The following DCLK2 variants were observed in gnomAD, a reference collection of about 807,000 sequenced individuals.
The protein encoded by DCLK2 is serine/threonine-protein kinase DCLK2.
Under a neutral mutation model 78.4 loss-of-function variants are expected in DCLK2, and 31 were observed. The observed-to-expected ratio is 0.40, with a 90% CI of 0.30 to 0.53. DCLK2 has a LOEUF of 0.53. Ranked by LOEUF, DCLK2 falls within the 20% of genes least tolerant of loss-of-function variation. The probability of loss-of-function intolerance (pLI) is 0.61; values close to 1 mark genes in which losing one functional copy is unlikely to be tolerated. For missense variants in DCLK2, 872 were observed against 973.7 expected, an observed-to-expected ratio of 0.90 and a Z score of 1.39; for synonymous variants, 407 against 374.9, an observed-to-expected ratio of 1.09 and a Z score of -0.99.
At chr4:150,143,052 A>T (rs1300895961) in intron 2 of DCLK2, among the ~76,000 whole-genome samples, 6 of 152,132 alleles carry the variant, frequency 3.9e-5, no homozygotes, top group African/African-American at 1.2e-4. Context: ...TTATCTTTCT[A>T]TGTTAGCTCA....
intron 10 of DCLK2, among the ~76,000 whole-genome samples, chr4:150,239,277 G>A (rs1457348956): frequency 1.3e-5 from 2 of 152,144 alleles, no homozygotes; most frequent in Non-Finnish European, 2.9e-5. Flanking sequence ...GCACTTTAAA[G>A]CAACAAAGAT....
chr4:150,145,526 C>G (rs1734408799), intron 2 of DCLK2, among the ~76,000 whole-genome samples: 1 of 152,120 alleles, frequency 6.6e-6, no homozygotes, highest in Non-Finnish European at 1.5e-5. Flanking sequence ...TTCTTATTTA[C>G]TTTTGCCACT....
At chr4:150,242,430 A>G (rs1028457773) in intron 12 of DCLK2, among the ~76,000 whole-genome samples, 3 of 152,242 alleles carry the variant, frequency 2.0e-5, no homozygotes, top group Non-Finnish European at 4.4e-5. Context: ...CACAGACTGT[A>G]GAATTACTGT....
chr4:150,107,852 T>C (rs1731384808), intron 2 of DCLK2, among the ~76,000 whole-genome samples: 1 of 152,158 alleles, frequency 6.6e-6, no homozygotes, highest in Admixed American at 6.5e-5. Context: ...TTGCCTGTAG[T>C]CCCAGTTACT....
intron 2 of DCLK2, among the ~76,000 whole-genome samples, chr4:150,190,425 A>T (rs955920943): frequency 6.6e-6 from 1 of 152,190 alleles, no homozygotes; most frequent in Admixed American, 6.5e-5. Context: ...TGATGAAAAA[A>T]TGAACAAAAT....
chr4:150,234,249 A>G (rs1163826927), intron 10 of DCLK2, among the ~76,000 whole-genome samples: 1 of 152,220 alleles, frequency 6.6e-6, no homozygotes, highest in Non-Finnish European at 1.5e-5. Context: ...TTCTAGACAA[A>G]GTTCAGTCAC....
chr4:150,216,060 A>G (rs796661878), intron 5 of DCLK2, among the ~76,000 whole-genome samples: 4 of 151,918 alleles, frequency 2.6e-5, no homozygotes, highest in African/African-American at 7.2e-5. Flanking sequence ...GCCATAATGC[A>G]GTAAGTAACC....
intron 2 of DCLK2, among the ~76,000 whole-genome samples, chr4:150,116,612 A>G (rs957504438): frequency 6.6e-6 from 1 of 152,178 alleles, no homozygotes; most frequent in Non-Finnish European, 1.5e-5. Flanking sequence ...CTGGTCCTCA[A>G]GTGTCGCAGC....
chr4:150,193,200 A>G lies in DCLK2; in HGVS notation c.819A>G (p.Lys273=). The change falls in exon 3 of 16, where the codon AAA becomes AAG. Residue 273 remains lysine, a synonymous_variant. Coordinates refer to ENST00000296550, the MANE Select transcript of DCLK2 (RefSeq NM_001040260.4). ...TTTTTATTGCATGTGGACCAGAAAA[A>G]TTTCGTTATGCCCAAGATGACTTTG... ...DDVFIACGPE[K]FRYAQDDFVL... 6.2e-7 allele frequency: 1 copy of G among 1,611,652 alleles called. No individual in the cohort carries two copies. Among genetic ancestry groups the G allele is most frequent in the Non-Finnish European group, 8.5e-7 (1 of 1,178,344 alleles).
intron 2 of DCLK2, among the ~76,000 whole-genome samples, chr4:150,160,242 T>C (rs2150242940): frequency 6.6e-6 from 1 of 152,276 alleles, no homozygotes; most frequent in East Asian, 1.9e-4. Flanking sequence ...GGTCTCCAAC[T>C]CCTGAGCTCA....
chr4:150,155,930 A>G (rs1735238584), intron 2 of DCLK2, among the ~76,000 whole-genome samples: 1 of 152,172 alleles, frequency 6.6e-6, no homozygotes, highest in African/African-American at 2.4e-5. Context: ...TGAGCCTTGA[A>G]GAATTCCACT....
intron 10 of DCLK2, among the ~76,000 whole-genome samples, chr4:150,233,044 C>G (rs932393761): frequency 5.3e-5 from 8 of 152,188 alleles, no homozygotes; most frequent in African/African-American, 1.7e-4. Flanking sequence ...ATTTCTCACT[C>G]TGCTATAAAG....
At chr4:150,245,502 A>G (rs1453969881) in intron 12 of DCLK2, among the ~76,000 whole-genome samples, 1 of 152,134 alleles carries the variant, frequency 6.6e-6, no homozygotes, top group African/African-American at 2.4e-5. Context: ...ATATCTCCTA[A>G]TGCTATCCCT....
chr4:150,128,459 A>G (rs1304805225), intron 2 of DCLK2, among the ~76,000 whole-genome samples: 7 of 152,148 alleles, frequency 4.6e-5, no homozygotes, highest in Non-Finnish European at 8.8e-5. Flanking sequence ...GACCTCATCC[A>G]TTGGGCTATG....
At chr4:150,091,017 G>A (rs1422371622) in intron 1 of DCLK2, among the ~76,000 whole-genome samples, 1 of 152,210 alleles carries the variant, frequency 6.6e-6, no homozygotes, top group Non-Finnish European at 1.5e-5. Flanking sequence ...CTTTGTGTTA[G>A]TCTGCCAATT....
rs1248338560 is a variant in DCLK2, at chr4:150,175,009, A to AT, written c.757-18129_757-18128insT. The stretch of plus-strand genomic sequence containing the variant: ...TGAGACTCCGTCGCAAAAAAAAAAA[A>AT]AAATATATATATATATATATATATT... On this transcript the variant is annotated intron_variant, in intron 2 of 15. Coordinates refer to ENST00000296550, the MANE Select transcript of DCLK2 (RefSeq NM_001040260.4). 1.6e-3 allele frequency among the ~76,000 whole-genome samples: 23 copies of AT among 14,762 alleles called. 5 individuals carry two copies. The highest frequency in any genetic ancestry group is 4.0e-3 in the South Asian group (1 of 248). The allele number at this position is 14,762 out of a possible 152,430, so 9.7% of individuals were successfully genotyped here.
chr4:150,204,814 C>T (rs910064968), intron 5 of DCLK2, among the ~76,000 whole-genome samples: 1 of 151,930 alleles, frequency 6.6e-6, no homozygotes, highest in Non-Finnish European at 1.5e-5. Flanking sequence ...ATCACTTGCA[C>T]CCAGGAGGCA....
At position 150,256,949 on chromosome 4, in the gene DCLK2, G is replaced by A. The variant is rs1178086713; in HGVS notation, c.*702G>A. The A allele has an allele frequency of 6.6e-6, 1 of 152,254 alleles. No homozygotes were observed. The highest frequency in any genetic ancestry group is 1.9e-4 in the East Asian group (1 of 5,194). The allele number at this position is 152,254 out of a possible 1,614,324, so 9.4% of individuals were successfully genotyped here. A position where few individuals can be genotyped will look rare whatever the true frequency, so the allele number is the denominator to read the frequency against. Reference sequence around the variant, plus strand: ...CATTCATACACAGACGATGGAAGAAGCCACTTCTTCCCTGGGCGGTGTGGG... The same window carrying A: ...CATTCATACACAGACGATGGAAGAAACCACTTCTTCCCTGGGCGGTGTGGG... On this transcript the variant is annotated 3_prime_UTR_variant, in exon 16 of 16. Coordinates refer to ENST00000296550, the MANE Select transcript of DCLK2 (RefSeq NM_001040260.4).
chr4:150,080,939 C>T (rs1406536669), intron 1 of DCLK2, among the ~76,000 whole-genome samples: 1 of 152,144 alleles, frequency 6.6e-6, no homozygotes, highest in Non-Finnish European at 1.5e-5. Context: ...AAGGGGATAG[C>T]TGGAGGAGTA....
Sources: allele counts gnomAD v4.1 joint callset (sites outside exome capture counted in the v4.1 genomes callset), GRCh38; gene constraint gnomAD v4.1.1; transcripts MANE v1.5; gene names NCBI Gene and HGNC (gene_info 2026-07-23, HGNC 2026-07-21).